KMT2C: variants seen among roughly 807,000 people sequenced by gnomAD.
KMT2C encodes the protein lysine methyltransferase 2C.
KMT2C carries 88 observed loss-of-function variants against 507.9 expected under a neutral mutation model. That is an observed-to-expected ratio of 0.17 (90% CI 0.15 to 0.21). The LOEUF is 0.21. KMT2C is among the 10% of genes least tolerant of loss of function. KMT2C has a pLI of 1.00. For missense variants in KMT2C, 4,954 were observed against 5,957.8 expected, an observed-to-expected ratio of 0.83 and a Z score of 5.55; for synonymous variants, 2,049 against 2,080.8, an observed-to-expected ratio of 0.98 and a Z score of 0.42.
chr7:152,349,993 T>C (rs13242856), intron 2 of KMT2C, among the ~76,000 whole-genome samples: 7,636 of 152,174 alleles, frequency 0.05, 325 homozygotes, highest in African/African-American at 0.11. Flanking sequence ...GGTTCATGCC[T>C]ATAATCGCAA....
rs2092276912 is a variant in KMT2C at position 152,158,913 on chromosome 7, C to T, written c.11620G>A (p.Glu3874Lys). Residue 3874 changes from glutamate to lysine, a missense_variant, in exon 44 of 59, where the codon GAG becomes AAG. By Grantham distance (56) the Glu-to-Lys change is moderately conservative. Transcript: ENST00000262189. ...GTGCTAGAGTACATAGCTTGTTTCT[C>T]CTCTTCGTCCTTTTTCCTTTTCTTT... is the stretch of plus-strand genomic sequence containing the variant. Reference protein sequence around the residue: ...RSKKRKKDEEEKQAMYSSTDT... With the variant: ...RSKKRKKDEEKKQAMYSSTDT... 3 of 1,614,184 alleles carry T rather than the reference C, an allele frequency of 1.9e-6. No individual in the cohort carries two copies. Among genetic ancestry groups the T allele is most frequent in the East Asian group, 2.2e-5 (1 of 44,876 alleles).
chr7:152,148,385 T>C lies in KMT2C; in HGVS notation c.13542A>G (p.Gln4514=), dbSNP rs2091343802. The stretch of plus-strand genomic sequence containing the variant: ...TGAAGACTGCAAAGTAACTTAATTC[T>C]TGCTCATGAATTCCCTTTGGTTTGT... The part of the protein sequence containing the change: ...PMHKPKGIHE[Q]ELSYFAVFRR... Residue 4514 remains glutamine, a synonymous_variant, in exon 52 of 59, where the codon CAA becomes CAG. Transcript: ENST00000262189. This position sits in a 1 kb window ranked among gnomAD's most constrained non-coding sequence, Gnocchi z 7.1. 1.2e-6 allele frequency: 2 copies of C among 1,614,264 alleles called. No homozygotes were observed. Among genetic ancestry groups the C allele is most frequent in the Non-Finnish European group, 1.7e-6 (2 of 1,180,040 alleles).
Position 152,181,256 on chromosome 7 carries a change from G to T in KMT2C, c.6604C>A (p.Pro2202Thr), listed in dbSNP as rs760297553. ...TPVTNQRHSD[P>T]YAHPPGTPRP... ...GGTGTTCCAGGAGGATGAGCATATG[G>T]ATCAGAATGCCTCTGATTTGTTACA... The change falls in exon 36 of 59, where the codon CCA becomes ACA. Residue 2202 changes from proline (P) to threonine (T), a missense_variant. This residue lies in a region of KMT2C where 1,689 missense variants were observed against 1,654.3 expected (regional missense o/e 1.02). Transcript: ENST00000262189. 16 of 1,613,916 alleles carry T rather than the reference G, an allele frequency of 9.9e-6. No individual in the cohort carries two copies. In the African/African-American group the frequency reaches 2.0e-4, roughly 20 times the overall value.
Position 152,138,999 on chromosome 7 carries a change from A to C in KMT2C, c.14535-95T>G. On this transcript the variant is annotated intron_variant, in intron 57 of 58. Coordinates refer to ENST00000262189, the MANE Select transcript of KMT2C (RefSeq NM_170606.3). The surrounding 1 kb of genome is among the most constrained non-coding windows in gnomAD (Gnocchi z 4.2). ...TTGATAAAGCAGTTTTTGCTAATTA[A>C]ATTTCTATTTGCCCATTGTTAGAAG... The C allele has an allele frequency of 1.8e-6, 2 of 1,085,826 alleles. No individual in the cohort carries two copies. Among genetic ancestry groups the C allele is most frequent in the Non-Finnish European group, 2.8e-6 (2 of 709,688 alleles). The allele number at this position is 1,085,826 out of a possible 1,614,324, so 67.3% of individuals were successfully genotyped here. A position where few individuals can be genotyped will look rare whatever the true frequency, so the allele number is the denominator to read the frequency against.
In KMT2C at chr7:152,158,969, T is replaced by C. The variant is rs2129101533; in HGVS notation, c.11564A>G (p.Gln3855Arg). The change falls in exon 44 of 59, where the codon CAG becomes CGG. Residue 3855 changes from glutamine to arginine, a missense_variant. Around this residue, in one of 29 missense-constraint regions of KMT2C, gnomAD observed 801 missense variants for 751.2 expected, o/e 1.07. Coordinates refer to ENST00000262189, the MANE Select transcript of KMT2C (RefSeq NM_170606.3). ...ETKKQRSKRT[Q>R]RTGEKAAPRS... Reference sequence around the variant, plus strand: ...AGGTGCTGCTTTCTCACCCGTCCTCTGAGTCCGTTTGCTTCGCTGTTTCTT... The same window carrying C: ...AGGTGCTGCTTTCTCACCCGTCCTCCGAGTCCGTTTGCTTCGCTGTTTCTT... The C allele has an allele frequency of 6.2e-7, 1 of 1,614,244 alleles. No individual in the cohort carries two copies. Among genetic ancestry groups the C allele is most frequent in the Middle Eastern group, 1.6e-4 (1 of 6,062 alleles).
chr7:152,176,938 T>C lies in KMT2C; in HGVS notation c.8515A>G (p.Thr2839Ala), dbSNP rs2129113913. 1 of 1,614,190 alleles carries C rather than the reference T, an allele frequency of 6.2e-7. No individual in the cohort carries two copies. The highest frequency in any genetic ancestry group is 8.5e-7 in the Non-Finnish European group (1 of 1,180,030). The stretch of plus-strand genomic sequence containing the variant: ...TCTTTATTCTCATCATTTTTTTCAG[T>C]TTCACATTTGGATTCCACCTTAGAA... ...PNSKVESKCE[T>A]EKNDENKDNV... Residue 2839 changes from threonine to alanine, a missense_variant, in exon 38 of 59, where the codon ACT becomes GCT. This residue lies in a region of KMT2C where 1,689 missense variants were observed against 1,654.3 expected (regional missense o/e 1.02). Coordinates refer to ENST00000262189, the MANE Select transcript of KMT2C (RefSeq NM_170606.3).
chr7:152,429,443 T>G (rs1166950287), intron 1 of KMT2C, among the ~76,000 whole-genome samples: 1 of 152,150 alleles, frequency 6.6e-6, no homozygotes. Context: ...TTCTCTCAAC[T>G]TGTGCTCTTA....
intron 6 of KMT2C, among the ~76,000 whole-genome samples, chr7:152,282,901 T>G (rs2096244333): frequency 6.6e-6 from 1 of 152,140 alleles, no homozygotes; most frequent in African/African-American, 2.4e-5. Context: ...AAGAGAATTT[T>G]AGATAAAAAC....
intron 6 of KMT2C, among the ~76,000 whole-genome samples, chr7:152,283,317 G>C (rs1588889990): frequency 6.6e-6 from 1 of 152,232 alleles, no homozygotes; most frequent in African/African-American, 2.4e-5. Context: ...TATTACAGAA[G>C]AGTTAAATAC....
chr7:152,392,692 T>A (rs2097508515), intron 1 of KMT2C, among the ~76,000 whole-genome samples: 2 of 152,224 alleles, frequency 1.3e-5, no homozygotes, highest in African/African-American at 4.8e-5. Context: ...AGCTGTACAA[T>A]GAAGTGGTCT....
chr7:152,148,965 T>G lies in KMT2C; in HGVS notation c.12962A>C (p.Lys4321Thr), dbSNP rs753518653. The change falls in exon 52 of 59, where the codon AAG becomes ACG. Residue 4321 changes from lysine to threonine, a missense_variant. Lys to Thr is a moderately conservative substitution (Grantham distance 78). This residue lies in a region of KMT2C where 417 missense variants were observed against 461.1 expected (regional missense o/e 0.90). Transcript: ENST00000262189. The surrounding 1 kb of genome is among the most constrained non-coding windows in gnomAD (Gnocchi z 7.1). The stretch of plus-strand genomic sequence containing the variant: ...GACTGTCACCTTCAGCTCATCTGGC[T>G]TGGCCTCGACTTGGGCTGCTTCAAA... Reference protein sequence around the residue: ...PAFEAAQVEAKPDELKVTVKL... With the variant: ...PAFEAAQVEATPDELKVTVKL... 1 of 1,599,764 alleles carries G rather than the reference T, an allele frequency of 6.3e-7. No homozygotes were observed. Among genetic ancestry groups the G allele is most frequent in the Non-Finnish European group, 8.5e-7 (1 of 1,172,962 alleles).
intron 1 of KMT2C, among the ~76,000 whole-genome samples, chr7:152,424,257 G>T (rs960737985): frequency 1.3e-5 from 2 of 151,106 alleles, no homozygotes; most frequent in African/African-American, 4.9e-5. Context: ...GGGACTAAAG[G>T]CATGTACTAC....
chr7:152,148,539 A>C lies in KMT2C; in HGVS notation c.13388T>G (p.Val4463Gly), dbSNP rs756101885. 2 of 1,614,252 alleles carry C rather than the reference A, an allele frequency of 1.2e-6. No individual in the cohort carries two copies. Among genetic ancestry groups the C allele is most frequent in the Middle Eastern group, 1.6e-4 (1 of 6,062 alleles). The change falls in exon 52 of 59, where the codon GTC becomes GGC. Residue 4463 changes from valine (V) to glycine (G), a missense_variant. Physicochemically the swap from Val to Gly is moderately radical, Grantham distance 109 (BLOSUM62 -3). This residue lies in a region of KMT2C where 39 missense variants were observed against 101.8 expected (regional missense o/e 0.38). Coordinates refer to ENST00000262189, the MANE Select transcript of KMT2C (RefSeq NM_170606.3). The surrounding 1 kb of genome is among the most constrained non-coding windows in gnomAD (Gnocchi z 7.1). ...AGTGGCACCCGTCTTGTGACAGAAGACACATTTCATTTGTAGGCCTCTCCT... is the reference window on the plus strand; with the variant it reads ...AGTGGCACCCGTCTTGTGACAGAAGCCACATTTCATTTGTAGGCCTCTCCT... ...ALRRGLQMKC[V>G]FCHKTGATSG...
rs200483168 is a variant in KMT2C at position 152,357,600 on chromosome 7, A to AAT, written c.250+985_250+986dup. On this transcript the variant is annotated intron_variant, in intron 2 of 58. Transcript: ENST00000262189. Reference sequence around the variant, plus strand: ...AAGACTTTTCAGTAGTAAAAGTAACAATATATAGTACAGAAAAAAAAACCA... The same window carrying AAT: ...AAGACTTTTCAGTAGTAAAAGTAACAATATATATAGTACAGAAAAAAAAACCA... Among the ~76,000 whole-genome samples the AAT allele has an allele frequency of 8.1e-3, 1,233 of 152,266 alleles. 21 individuals carry two copies. The highest frequency in any genetic ancestry group is 0.029 in the African/African-American group (1,189 of 41,544).
At position 152,154,337 on chromosome 7, in the gene KMT2C, C is replaced by T. The variant is rs2091887363; in HGVS notation, c.12069G>A (p.Leu4023=). 6.2e-7 allele frequency: 1 copy of T among 1,614,140 alleles called. No homozygotes were observed. Among genetic ancestry groups the T allele is most frequent in the Non-Finnish European group, 8.5e-7 (1 of 1,180,010 alleles). ...CCGGTTCTGGAGGCTCCTCCTTGAC[C>T]AATGACAGATCTGGATACCTGCTCA... ...VEVSRYPDLS[L]VKEEPPEPVP... is the part of the protein sequence containing the mutation. Residue 4023 remains leucine, a synonymous_variant, in exon 47 of 59, where the codon TTG becomes TTA. Transcript: ENST00000262189.
intron 37 of KMT2C, among the ~76,000 whole-genome samples, chr7:152,178,528 A>C (rs1161839992): frequency 6.6e-6 from 1 of 152,216 alleles, no homozygotes; most frequent in African/African-American, 2.4e-5. Context: ...AGTAGGCCTC[A>C]TCTATAAAGA....
chr7:152,146,702 C>G lies in KMT2C; in HGVS notation c.13928G>C (p.Cys4643Ser). 1 of 1,614,038 alleles carries G rather than the reference C, an allele frequency of 6.2e-7. No homozygotes were observed. Among genetic ancestry groups the G allele is most frequent in the Non-Finnish European group, 8.5e-7 (1 of 1,179,934 alleles). ...VWDKILEPVA[C>S]VRKKSEMLQL... ...GAGCATTTCAGACTTTTTTCTCACACATGCCACAGGCTCCAAAATCTTATC... is the reference window on the plus strand; with the variant it reads ...GAGCATTTCAGACTTTTTTCTCACAGATGCCACAGGCTCCAAAATCTTATC... Residue 4643 changes from cysteine to serine, a missense_variant, in exon 53 of 59, where the codon TGT becomes TCT. This residue lies in a region of KMT2C where 221 missense variants were observed against 304.7 expected (regional missense o/e 0.73). Coordinates refer to ENST00000262189, the MANE Select transcript of KMT2C (RefSeq NM_170606.3).
chr7:152,408,451 C>T (rs992923466), intron 1 of KMT2C, among the ~76,000 whole-genome samples: 1 of 152,212 alleles, frequency 6.6e-6, no homozygotes, highest in African/African-American at 2.4e-5. Flanking sequence ...GGGTTCCCCC[C>T]ACCTATAGCT....
chr7:152,151,448 C>G lies in KMT2C; in HGVS notation c.12660G>C (p.Leu4220Phe). ...VRKSFKDLTL[L>F]NKDSRESTKR... is the part of the protein sequence containing the mutation. ...AAAAGGAGTAGCAAAGTACCTTGTT[C>G]AAAAGGGTCAGATCTTTGAAAGATT... Residue 4220 changes from leucine to phenylalanine, a missense_variant, in exon 50 of 59, where the codon TTG (leucine) becomes TTC (phenylalanine). Leu to Phe is a conservative substitution (Grantham distance 22, BLOSUM62 0). Coordinates refer to ENST00000262189, the MANE Select transcript of KMT2C (RefSeq NM_170606.3). 1 of 1,613,882 alleles carries G rather than the reference C, an allele frequency of 6.2e-7. No homozygotes were observed. The highest frequency in any genetic ancestry group is 8.5e-7 in the Non-Finnish European group (1 of 1,179,874).
Sources: allele counts gnomAD v4.1 joint callset (sites outside exome capture counted in the v4.1 genomes callset), GRCh38; gene constraint gnomAD v4.1.1; regional missense constraint gnomAD v4.1.1; non-coding constraint Gnocchi (gnomAD v3.1); transcripts MANE v1.5; gene names NCBI Gene and HGNC (gene_info 2026-07-23, HGNC 2026-07-21).